PTCHD4: variants seen among roughly 807,000 people sequenced by gnomAD.
The protein encoded by PTCHD4 is patched domain containing 4.
In PTCHD4, 33 loss-of-function variants were observed where a neutral mutation model predicts 58.1. The ratio of observed to expected loss-of-function variants is 0.57; its 90% CI spans 0.43 to 0.76. PTCHD4 has a LOEUF of 0.76. Among genes scored for constraint, PTCHD4 ranks in the 30% least tolerant of loss-of-function variants. The pLI is 0.00. For synonymous variants in PTCHD4, 478 were observed against 409.6 expected, an observed-to-expected ratio of 1.17 and a Z score of -2.02; for missense variants, 1,058 against 1,027.1, an observed-to-expected ratio of 1.03 and a Z score of -0.41.
chr6:47,954,656 A>G (rs892344729), intron 4 of PTCHD4, among the ~76,000 whole-genome samples: 3 of 152,156 alleles, frequency 2.0e-5, no homozygotes, highest in Non-Finnish European at 4.4e-5. Flanking sequence ...CATTACTGGT[A>G]TTTTGTAGTA....
At chr6:48,093,818 C>T (rs1765411341) in intron 1 of PTCHD4, among the ~76,000 whole-genome samples, 1 of 152,118 alleles carries the variant, frequency 6.6e-6, no homozygotes, top group African/African-American at 2.4e-5. Context: ...ATGGGAAGGT[C>T]ACCATGGAAG....
At chr6:48,064,519 A>G (rs749223501) in intron 3 of PTCHD4, among the ~76,000 whole-genome samples, 1 of 152,166 alleles carries the variant, frequency 6.6e-6, no homozygotes, top group Non-Finnish European at 1.5e-5. Flanking sequence ...CATTTCTATT[A>G]CTGTATACAA....
chr6:48,100,787 T>G (rs896189515), intron 1 of PTCHD4, among the ~76,000 whole-genome samples: 1 of 152,214 alleles, frequency 6.6e-6, no homozygotes. Flanking sequence ...CATAAACACA[T>G]ATACATTTTT....
At chr6:48,019,751 A>AAG (rs1324745553) in intron 3 of PTCHD4, among the ~76,000 whole-genome samples, 2 of 128,358 alleles carry the variant, frequency 1.6e-5, no homozygotes, top group Non-Finnish European at 3.5e-5. Flanking sequence ...AAAAAAAAAT[A>AAG]ATAATATATG....
At chr6:48,110,987 C>A (rs1037767794) in intron 1 of PTCHD4, among the ~76,000 whole-genome samples, 62 bp downstream of exon 1, 2 of 151,708 alleles carry the variant, frequency 1.3e-5, no homozygotes, top group Non-Finnish European at 2.9e-5. Flanking sequence ...CTGTGATTGC[C>A]CCTCTATATC....
rs1320770312 is a variant in PTCHD4, at chr6:47,863,647, C to A, written c.*14656G>T. Among the ~76,000 whole-genome samples, 1 of 151,974 alleles carries A rather than the reference C, an allele frequency of 6.6e-6. No homozygotes were observed. The highest frequency in any genetic ancestry group is 1.5e-5 in the Non-Finnish European group (1 of 67,924). ...GATTATTGGAAATTCAAACTTAACTCATGTCCTACATGAATCTAGTTCTAG... is the reference window on the plus strand; with the variant it reads ...GATTATTGGAAATTCAAACTTAACTAATGTCCTACATGAATCTAGTTCTAG... On this transcript the variant is annotated 3_prime_UTR_variant, in exon 5 of 5. Transcript: ENST00000339488.
At position 47,865,273 on chromosome 6, in the gene PTCHD4, C is replaced by G. The variant is rs889763669; in HGVS notation, c.*13030G>C. On this transcript the variant is annotated 3_prime_UTR_variant, in exon 5 of 5. Transcript: ENST00000339488. ...ATTCGTTTCTTCCTCTTTGACTCAT[C>G]TTTTATTTACTGAATTTAATTAATG... Among the ~76,000 whole-genome samples, 1 of 151,830 alleles carries G rather than the reference C, an allele frequency of 6.6e-6. No individual in the cohort carries two copies. The highest frequency in any genetic ancestry group is 1.5e-5 in the Non-Finnish European group (1 of 67,888).
At chr6:47,924,144 C>T (rs1248620395) in intron 4 of PTCHD4, among the ~76,000 whole-genome samples, 4 of 152,110 alleles carry the variant, frequency 2.6e-5, no homozygotes, top group African/African-American at 9.7e-5. Flanking sequence ...AAGTCAGCAT[C>T]TGGTTCTTGT....
chr6:48,095,645 C>T (rs62399525), intron 1 of PTCHD4, among the ~76,000 whole-genome samples: 1,957 of 151,440 alleles, frequency 0.013, 25 homozygotes, highest in Middle Eastern at 0.028. Context: ...GCCAAGATTG[C>T]GCCACTGCAC....
At chr6:48,020,621 G>C (rs1230591133) in intron 3 of PTCHD4, among the ~76,000 whole-genome samples, 1 of 151,936 alleles carries the variant, frequency 6.6e-6, no homozygotes, top group Non-Finnish European at 1.5e-5. Flanking sequence ...ACAAATAAAG[G>C]GAGGATAAAG....
intron 3 of PTCHD4, among the ~76,000 whole-genome samples, chr6:48,019,735 C>CA (rs532483894): frequency 0.041 from 4,911 of 121,186 alleles, 141 homozygotes; most frequent in African/African-American, 0.087. Context: ...GACTCCGTCT[C>CA]AAAAAAAAAA....
chr6:48,062,093 C>T (rs1241130285), intron 3 of PTCHD4, among the ~76,000 whole-genome samples: 3 of 152,042 alleles, frequency 2.0e-5, no homozygotes, highest in Non-Finnish European at 4.4e-5. Context: ...ACGGTGTAAT[C>T]GCTAGTGGGT....
At chr6:48,096,766 G>A (rs188721875) in intron 1 of PTCHD4, among the ~76,000 whole-genome samples, 6 of 152,194 alleles carry the variant, frequency 3.9e-5, no homozygotes, top group African/African-American at 1.4e-4. Context: ...GAATTTAAAC[G>A]TAAGGGAACC....
intron 3 of PTCHD4, among the ~76,000 whole-genome samples, chr6:48,015,953 G>GAC (rs1762852362): frequency 6.6e-6 from 1 of 151,960 alleles, no homozygotes; most frequent in South Asian, 2.1e-4. Context: ...ACAAGTAGGA[G>GAC]ACAGATCAAG....
At chr6:48,097,339 C>A (rs915538402) in intron 1 of PTCHD4, among the ~76,000 whole-genome samples, 1 of 152,108 alleles carries the variant, frequency 6.6e-6, no homozygotes, top group Non-Finnish European at 1.5e-5. Flanking sequence ...TTTTATGTCA[C>A]TTAGTTTAAT....
Position 47,876,023 on chromosome 6 carries a change from C to T in PTCHD4, c.*2280G>A, listed in dbSNP as rs184607275. 8.1e-4 allele frequency among the ~76,000 whole-genome samples: 123 copies of T among 151,760 alleles called. No homozygotes were observed. The highest frequency in any genetic ancestry group is 2.8e-3 in the African/African-American group (116 of 41,468). On this transcript the variant is annotated 3_prime_UTR_variant, in exon 5 of 5. Transcript: ENST00000339488. ...AAAAATCTTCCATATCAAATCTTTA[C>T]AAATGATGGGTAATCTGTAAGAGGA...
chr6:48,057,421 C>G (rs1489237196), intron 3 of PTCHD4, among the ~76,000 whole-genome samples: 2 of 152,094 alleles, frequency 1.3e-5, no homozygotes, highest in African/African-American at 4.8e-5. Context: ...TTAATTTATG[C>G]TAAGAAAGCT....
intron 4 of PTCHD4, among the ~76,000 whole-genome samples, chr6:47,887,886 G>T (rs1216636891): frequency 6.6e-6 from 1 of 152,154 alleles, no homozygotes; most frequent in Non-Finnish European, 1.5e-5. Flanking sequence ...CAAAGGGTAG[G>T]GGGTGTTTAA....
At position 47,872,214 on chromosome 6, in the gene PTCHD4, T is replaced by C. The variant is rs1198100459; in HGVS notation, c.*6089A>G. Among the ~76,000 whole-genome samples the C allele has an allele frequency of 1.3e-5, 2 of 151,684 alleles. No homozygotes were observed. Among genetic ancestry groups the C allele is most frequent in the Admixed American group, 6.6e-5 (1 of 15,190 alleles). ...ACTGAGAATATAAGTTAAATTTATA[T>C]AGCACTGAAAAGTTATACATTTTTA... On this transcript the variant is annotated 3_prime_UTR_variant, in exon 5 of 5. Transcript: ENST00000339488.
Sources: gnomAD v4.1 joint callset for allele counts (sites outside exome capture counted in the v4.1 genomes callset) on GRCh38, gnomAD v4.1.1 for gene constraint, MANE v1.5 for transcripts, NCBI Gene and HGNC (gene_info 2026-07-23, HGNC 2026-07-21) for gene names.